The following UBAP2 variants were observed in gnomAD, a reference collection of about 807,000 sequenced individuals.
The protein encoded by UBAP2 is ubiquitin associated protein 2, also known as ubiquitin-associated protein 2.
In UBAP2, 75 loss-of-function variants were observed where a neutral mutation model predicts 139.6. The ratio of observed to expected loss-of-function variants is 0.54; its 90% confidence interval spans 0.45 to 0.65. The LOEUF (loss-of-function observed/expected upper bound fraction) is 0.65, where lower values mean the gene tolerates loss of function less well. UBAP2 is among the 30% of genes least tolerant of loss of function. The pLI is 0.00. For synonymous variants in UBAP2, 526 were observed against 526.2 expected, an observed-to-expected ratio of 1.00 and a Z score of 0.01; for missense variants, 1,368 against 1,369.6, an observed-to-expected ratio of 1.00 and a Z score of 0.02.
At chr9:33,994,020 GA>G (rs1220136944) in intron 4 of UBAP2, among the ~76,000 whole-genome samples, 1 of 151,438 alleles carries the variant, frequency 6.6e-6, no homozygotes, top group African/African-American at 2.4e-5. Flanking sequence ...TCAGCCGCCT[GA>G]GTAGCTGGGA....
chr9:33,987,148 C>A (rs1002372063), intron 5 of UBAP2, among the ~76,000 whole-genome samples: 1 of 152,032 alleles, frequency 6.6e-6, no homozygotes, highest in Admixed American at 6.6e-5. Context: ...CAGTGGCTCA[C>A]ACCTATAATT....
chr9:33,957,370 T>G (rs1826658466), intron 10 of UBAP2, among the ~76,000 whole-genome samples: 1 of 152,110 alleles, frequency 6.6e-6, no homozygotes, highest in African/African-American at 2.4e-5. Context: ...TATTCTTTAC[T>G]CCCCCACAAT....
At chr9:34,009,821 T>G (rs1357254437) in intron 2 of UBAP2, among the ~76,000 whole-genome samples, 1 of 151,222 alleles carries the variant, frequency 6.6e-6, no homozygotes, top group African/African-American at 2.4e-5. Context: ...TTTTTTTTTT[T>G]TTTGAGACAG....
chr9:33,935,225 G>GCAACAGTCC (rs1464330828), intron 17 of UBAP2: 2 of 145,954 alleles, frequency 1.4e-5, no homozygotes, highest in Non-Finnish European at 3.0e-5. Context: ...CTCTTTCTAA[G>GCAACAGTCC]CAACAGTCCT....
At chr9:33,939,382 A>G in intron 16 of UBAP2, among the ~76,000 whole-genome samples, 1 of 151,600 alleles carries the variant, frequency 6.6e-6, no homozygotes, top group Non-Finnish European at 1.5e-5. Flanking sequence ...GTATTTTAGT[A>G]GAGACAGGGT....
intron 1 of UBAP2, among the ~76,000 whole-genome samples, chr9:34,032,616 C>T (rs1033706619): frequency 1.3e-5 from 2 of 152,152 alleles, no homozygotes; most frequent in East Asian, 3.9e-4. Context: ...CAACCAGTCA[C>T]AGAGATTAAG....
rs1403594677 is a variant in UBAP2 at position 33,986,763 on chromosome 9, T to C, written c.517A>G (p.Arg173Gly). 4.3e-6 allele frequency: 7 copies of C among 1,613,842 alleles called. No homozygotes were observed. The East Asian group carries it at 1.3e-4, about 31-fold the overall frequency. Residue 173 changes from arginine (R) to glycine (G), a missense_variant, in exon 6 of 29, where the codon AGA becomes GGA. Physicochemically the swap from Arg to Gly is moderately radical, Grantham distance 125. Transcript: ENST00000379238. ...PSDRGKRARG[R>G]GFGRGRGRGA... ...CTTCCCTCTTACTCTAGCTTACCTCTACCCCGGGCTCGCTTGCCACGATCT... is the reference window on the plus strand; with the variant it reads ...CTTCCCTCTTACTCTAGCTTACCTCCACCCCGGGCTCGCTTGCCACGATCT...
intron 25 of UBAP2, 29 bp downstream of exon 25, chr9:33,923,350 T>G: frequency 6.2e-7 from 1 of 1,613,924 alleles, no homozygotes; most frequent in Non-Finnish European, 8.5e-7. Flanking sequence ...TCTAACCCCA[T>G]GTGTCTCTGT....
chr9:34,035,177 T>C (rs188846080), intron 1 of UBAP2, among the ~76,000 whole-genome samples: 3 of 152,072 alleles, frequency 2.0e-5, no homozygotes, highest in African/African-American at 7.2e-5. Context: ...CTTTCTTCTG[T>C]TCTCATTCTT....
chr9:33,979,123 T>C (rs1427410122), intron 6 of UBAP2, among the ~76,000 whole-genome samples: 1 of 152,238 alleles, frequency 6.6e-6, no homozygotes, highest in East Asian at 1.9e-4. Context: ...CAGTCCTATC[T>C]ACTCAGGAAG....
chr9:33,946,562 A>C (rs546044843), intron 13 of UBAP2, among the ~76,000 whole-genome samples: 60 of 152,296 alleles, frequency 3.9e-4, no homozygotes, highest in African/African-American at 1.4e-3. Context: ...CAGATAGTAC[A>C]ACAACCTAAT....
chr9:34,038,863 G>A (rs1159174710), intron 1 of UBAP2, among the ~76,000 whole-genome samples: 1 of 132,552 alleles, frequency 7.5e-6, no homozygotes, highest in East Asian at 2.4e-4. Context: ...GCCGCCCATC[G>A]TCTGAGATGT....
rs561000488 is a variant in UBAP2, at chr9:33,924,249, C to T, written c.2547G>A (p.Ala849=). The T allele has an allele frequency of 3.7e-6, 6 of 1,614,170 alleles. No individual in the cohort carries two copies. The highest frequency in any genetic ancestry group is 4.5e-5 in the East Asian group (2 of 44,882). Residue 849 remains alanine (A), a synonymous_variant, in exon 23 of 29, where the codon GCG becomes GCA. Transcript: ENST00000379238. ...CTAGGCTCCCATCTCGGCTGGCAAG[C>T]GCTGTGGGTGCAGCAAAGGGAATTC... ...YYGIPFAAPT[A]LASRDGSLAN...
At chr9:33,961,430 G>A (rs1213572404) in intron 9 of UBAP2, among the ~76,000 whole-genome samples, 1 of 152,132 alleles carries the variant, frequency 6.6e-6, no homozygotes, top group East Asian at 1.9e-4. Context: ...CTCATATCAA[G>A]TCTGCTGCTT....
chr9:33,986,219 T>C (rs1272576689), intron 6 of UBAP2, among the ~76,000 whole-genome samples: 5 of 151,788 alleles, frequency 3.3e-5, no homozygotes, highest in Admixed American at 2.0e-4. Context: ...CACTTAGCTA[T>C]TTTTTATATT....
intron 4 of UBAP2, among the ~76,000 whole-genome samples, chr9:33,991,291 ACT>A (rs1821689800): frequency 7.3e-6 from 1 of 136,136 alleles, no homozygotes; most frequent in Non-Finnish European, 1.6e-5. Context: ...ACAGAGCGAG[ACT>A]CTGTATCAAA....
intron 2 of UBAP2, among the ~76,000 whole-genome samples, chr9:34,007,612 GATC>G (rs917524526): frequency 1.8e-4 from 27 of 151,374 alleles, no homozygotes; most frequent in South Asian, 1.7e-3. Flanking sequence ...TTATTGAAAT[GATC>G]ATATGTTTTT....
rs150445503 is a variant in UBAP2, at chr9:34,012,679, A to G, written c.99+4371T>C. ...TATTAAGTGAAGAAGAACCTTATTC[A>G]CAACTACTTGTCAAACGTTTCTGGG... On this transcript the variant is annotated intron_variant, in intron 2 of 28. Transcript: ENST00000379238. Among the ~76,000 whole-genome samples the G allele has an allele frequency of 1.5e-4, 23 of 152,308 alleles. No homozygotes were observed. In the East Asian group the frequency reaches 4.4e-3, roughly 29 times the overall value.
chr9:34,018,481 A>G (rs1244809773), intron 1 of UBAP2, among the ~76,000 whole-genome samples: 1 of 152,184 alleles, frequency 6.6e-6, no homozygotes, highest in Non-Finnish European at 1.5e-5. Flanking sequence ...CTAAATTACC[A>G]TATGATCCAG....
Sources: allele counts gnomAD v4.1 joint callset (sites outside exome capture counted in the v4.1 genomes callset), GRCh38; gene constraint gnomAD v4.1.1; transcripts MANE v1.5; gene names NCBI Gene and HGNC (gene_info 2026-07-23, HGNC 2026-07-21).